SLC25A1: variants seen among roughly 807,000 people sequenced by gnomAD.
The protein encoded by SLC25A1 is solute carrier family 25 member 1.
Under a neutral mutation model 38.1 loss-of-function variants are expected in SLC25A1, and 26 were observed. The ratio of observed to expected loss-of-function variants is 0.68; its 90% CI spans 0.50 to 0.95. The LOEUF (loss-of-function observed/expected upper bound fraction) is 0.95, where lower values mean the gene tolerates loss of function less well. Ranked by LOEUF, SLC25A1 falls within the 40% of genes least tolerant of loss-of-function variation. The pLI is 0.00. For synonymous variants in SLC25A1, 211 were observed against 183.2 expected (o/e 1.15, Z -1.23); for missense variants, 378 against 426.6 (o/e 0.89, Z 1.00).
chr22:19,178,153 G>A lies in SLC25A1; in HGVS notation c.182C>T (p.Pro61Leu). The A allele has an allele frequency of 6.5e-7, 1 of 1,546,698 alleles. No individual in the cohort carries two copies. The highest frequency in any genetic ancestry group is 8.7e-7 in the Non-Finnish European group (1 of 1,146,004). ...TQLQLDERSH[P>L]PRYRGIGDCV... The stretch of plus-strand genomic sequence containing the variant: ...CTCACCGATGCCCCGGTACCGCGGC[G>A]GGTGCGAGCGCTCGTCCAGCTGCAG... The change falls in exon 2 of 9, where the codon CCG (proline) becomes CTG (leucine). Residue 61 changes from proline to leucine, a missense_variant. Coordinates refer to ENST00000215882, the MANE Select transcript of SLC25A1 (RefSeq NM_005984.5). This position sits in a 1 kb window ranked among gnomAD's most constrained non-coding sequence, Gnocchi z 4.9.
chr22:19,176,006 C>A lies in SLC25A1; in HGVS notation c.*124G>T. ...GATTTGACAGCCACAATGCACAGAC[C>A]AGGCTACAGAGCTCGAGGGACGTGG... On this transcript the variant is annotated 3_prime_UTR_variant, in exon 9 of 9. Transcript: ENST00000215882. 1.5e-6 allele frequency: 1 copy of A among 686,890 alleles called. No individual in the cohort carries two copies. 42.5% of individuals were successfully genotyped at this position (686,890 alleles called of 1,614,324 possible).
Position 19,178,083 on chromosome 22 carries a change from G to A in SLC25A1, c.203-42C>T. The A allele has an allele frequency of 1.9e-6, 3 of 1,539,204 alleles. No individual in the cohort carries two copies. The highest frequency in any genetic ancestry group is 1.7e-6 in the Non-Finnish European group (2 of 1,144,080). On this transcript the variant is annotated intron_variant, in intron 2 of 8. Coordinates refer to ENST00000215882, the MANE Select transcript of SLC25A1 (RefSeq NM_005984.5). The surrounding 1 kb of genome is among the most constrained non-coding windows in gnomAD (Gnocchi z 4.9). The stretch of plus-strand genomic sequence containing the variant: ...TCAGGACCCCACGGCCCTCGGTGCC[G>A]CCGCCCTGGGTACCCGCCCCCCGCG...
At chr22:19,177,330 C>T (rs1440307197) in intron 4 of SLC25A1, 126 bp from the exon 5 acceptor site, 4 of 763,342 alleles carry the variant, frequency 5.2e-6, no homozygotes, top group South Asian at 1.7e-5. Flanking sequence ...GCAGTGCAGC[C>T]AAGGCCGCCC....
chr22:19,175,834 A>AC lies in SLC25A1; in HGVS notation c.*295dup, dbSNP rs2083949864. On this transcript the variant is annotated 3_prime_UTR_variant, in exon 9 of 9. Transcript: ENST00000215882. ...GGCCGAGGACCCAGGCCACACGGGC[A>AC]CCCCGGGAGGCGGGGCACAGGGTCA... is the stretch of plus-strand genomic sequence containing the variant. 9.4e-6 allele frequency: 4 copies of AC among 426,830 alleles called. No individual in the cohort carries two copies. Among genetic ancestry groups the AC allele is most frequent in the Non-Finnish European group, 1.8e-5 (4 of 226,640 alleles). The allele number at this position is 426,830 out of a possible 1,614,324, so 26.4% of individuals were successfully genotyped here.
intron 5 of SLC25A1, 31 bp downstream of exon 5, chr22:19,177,087 CCT>C (rs1555922595): frequency 1.3e-5 from 21 of 1,609,022 alleles, no homozygotes; most frequent in Non-Finnish European, 1.7e-5. Context: ...GGCCCAGGTC[CCT>C]GAGCCCTATC....
rs782461328 is a variant in SLC25A1 at position 19,176,090 on chromosome 22, T to A, written c.*40A>T. On this transcript the variant is annotated 3_prime_UTR_variant, in exon 9 of 9. Coordinates refer to ENST00000215882, the MANE Select transcript of SLC25A1 (RefSeq NM_005984.5). ...GTGAGACAAAGGTAGCAGGACACTCTGGCGGTGCCTGGGGCGGTCCCCTTG... is the reference window on the plus strand; with the variant it reads ...GTGAGACAAAGGTAGCAGGACACTCAGGCGGTGCCTGGGGCGGTCCCCTTG... 6.6e-7 allele frequency: 1 copy of A among 1,523,780 alleles called. No individual in the cohort carries two copies. The highest frequency in any genetic ancestry group is 9.1e-7 in the Non-Finnish European group (1 of 1,099,012). 94.4% of individuals were successfully genotyped at this position (1,523,780 alleles called of 1,614,324 possible).
In SLC25A1 at chr22:19,176,593, A is replaced by AT. The variant is rs1434807502; in HGVS notation, c.731_732insA (p.Lys245Ter). The AT allele has an allele frequency of 6.2e-7, 1 of 1,613,496 alleles. No homozygotes were observed. The highest frequency in any genetic ancestry group is 8.5e-7 in the Non-Finnish European group (1 of 1,179,764). On this transcript the variant is annotated frameshift_variant, in exon 7 of 9. Coordinates refer to ENST00000215882, the MANE Select transcript of SLC25A1 (RefSeq NM_005984.5). LOFTEE classifies it high-confidence loss of function. The stretch of plus-strand genomic sequence containing the variant: ...GCCCCACCACCTGCATCCGGGTCTT[A>AT]ATCACATCCAGAGGAGTGTTTCCAA...
chr22:19,177,487 C>G (rs1849626150), intron 4 of SLC25A1, among the ~76,000 whole-genome samples: 1 of 152,224 alleles, frequency 6.6e-6, no homozygotes, highest in African/African-American at 2.4e-5. Flanking sequence ...ATTTTGTTTT[C>G]TGCTTTATAA....
In SLC25A1 at chr22:19,178,730, C is replaced by A. The variant is rs1184007650; in HGVS notation, c.-57G>T. On this transcript the variant is annotated 5_prime_UTR_variant, in exon 1 of 9. Transcript: ENST00000215882. The surrounding 1 kb of genome is among the most constrained non-coding windows in gnomAD (Gnocchi z 4.9). ...CTTCGGGTCCGAGACTCCAGAACTC[C>A]GCGCTCGGTCCGCGGTGGCGGCGGC... is the stretch of plus-strand genomic sequence containing the variant. The A allele has an allele frequency of 9.5e-4, 808 of 851,986 alleles. No individual in the cohort carries two copies. Among genetic ancestry groups the A allele is most frequent in the Non-Finnish European group, 1.1e-3 (764 of 688,204 alleles). 52.8% of individuals were successfully genotyped at this position (851,986 alleles called of 1,614,324 possible).
chr22:19,177,354 C>A, intron 4 of SLC25A1, 150 bp from the exon 5 acceptor site: 2 of 645,246 alleles, frequency 3.1e-6, no homozygotes, highest in South Asian at 4.1e-5. Context: ...GCTGCCCACA[C>A]GGACCATGCC....
At chr22:19,177,699 C>T (rs1555922885) in intron 4 of SLC25A1, 28 bp downstream of exon 4, 1 of 1,603,272 alleles carries the variant, frequency 6.2e-7, no homozygotes, top group South Asian at 1.1e-5. Flanking sequence ...CCCTGCGTGT[C>T]CGGGGTCCTC....
rs782189170 is a variant in SLC25A1, at chr22:19,176,868, G to A, written c.609C>T (p.Thr203=). The change falls in exon 6 of 9, where the codon ACC becomes ACT. Residue 203 remains threonine (T), a synonymous_variant. Transcript: ENST00000215882. ...SNQAIRFFVM[T]SLRNWYRGDN... The stretch of plus-strand genomic sequence containing the variant: ...CACCTCGGTACCAGTTGCGCAGGGA[G>A]GTCATGACGAAGAAGCGGATGGCCT... 3.7e-6 allele frequency: 6 copies of A among 1,613,896 alleles called. No individual in the cohort carries two copies. Among genetic ancestry groups the A allele is most frequent in the African/African-American group, 2.7e-5 (2 of 75,050 alleles).
chr22:19,176,277 A>G, intron 8 of SLC25A1, 33 bp from the exon 9 acceptor site: 1 of 1,579,564 alleles, frequency 6.3e-7, no homozygotes, highest in African/African-American at 1.3e-5. Context: ...AGAGGAAGGC[A>G]GGTCAGCACA....
chr22:19,177,867 TGGAGGCG>T lies in SLC25A1; in HGVS notation c.303-9_303-3del. ...CTGAGGAACTCGAACATTCCAAACC[TGGAGGCG>T]GGAGGCGGGTGAGAGGGGCTGCCGC... On this transcript the variant is annotated splice_polypyrimidine_tract_variant and splice_region_variant and intron_variant, in intron 3 of 8. Transcript: ENST00000215882. 1 of 1,602,206 alleles carries T rather than the reference TGGAGGCG, an allele frequency of 6.2e-7. No individual in the cohort carries two copies. The highest frequency in any genetic ancestry group is 1.1e-5 in the South Asian group (1 of 89,980).
At chr22:19,177,233 C>T in intron 4 of SLC25A1, 29 bp from the exon 5 acceptor site, 2 of 1,598,726 alleles carry the variant, frequency 1.3e-6, no homozygotes, top group Non-Finnish European at 1.7e-6. Context: ...GGCGCAGGTT[C>T]TCGGCTGCCA....
chr22:19,177,363 C>T (rs1037066371), intron 4 of SLC25A1, among the ~76,000 whole-genome samples, 159 bp from the exon 5 acceptor site: 1 of 149,322 alleles, frequency 6.7e-6, no homozygotes, highest in Non-Finnish European at 1.5e-5. Context: ...ACGGACCATG[C>T]CCCGGGACAC....
Position 19,176,870 on chromosome 22 carries a change from T to A in SLC25A1, c.607A>T (p.Thr203Ser). The change falls in exon 6 of 9, where the codon ACC becomes TCC. Residue 203 changes from threonine to serine, a missense_variant. Coordinates refer to ENST00000215882, the MANE Select transcript of SLC25A1 (RefSeq NM_005984.5). ...SNQAIRFFVM[T>S]SLRNWYRGDN... ...CCTCGGTACCAGTTGCGCAGGGAGG[T>A]CATGACGAAGAAGCGGATGGCCTGG... 1 of 1,612,716 alleles carries A rather than the reference T, an allele frequency of 6.2e-7. No homozygotes were observed. The highest frequency in any genetic ancestry group is 8.5e-7 in the Non-Finnish European group (1 of 1,179,754).
rs1211747204 is a variant in SLC25A1 at position 19,178,231 on chromosome 22, G to A, written c.104C>T (p.Ala35Val). ...GGTGATGCAGATCTCGATGCCACCC[G>A]CCAGGCCGCCTGCAGGGACCGGGAA... Reference protein sequence around the residue: ...PGKAILAGGLAGGIEICITFP... With the variant: ...PGKAILAGGLVGGIEICITFP... The change falls in exon 2 of 9, where the codon GCG becomes GTG. Residue 35 changes from alanine (A) to valine (V), a missense_variant. By Grantham distance (64) the Ala-to-Val change is moderately conservative (BLOSUM62 0). Transcript: ENST00000215882. The surrounding 1 kb of genome is among the most constrained non-coding windows in gnomAD (Gnocchi z 4.9). 6.5e-7 allele frequency: 1 copy of A among 1,547,072 alleles called. No homozygotes were observed. The highest frequency in any genetic ancestry group is 8.7e-7 in the Non-Finnish European group (1 of 1,146,080).
chr22:19,176,952 TGC>T lies in SLC25A1; in HGVS notation c.527-4_527-3del. ...GGCCCTGGTACGTCCCCTTCAGCCC[TGC>T]GGGAAGGCAGGCACGGGGTTACCCT... On this transcript the variant is annotated splice_polypyrimidine_tract_variant and splice_region_variant and intron_variant, in intron 5 of 8. Transcript: ENST00000215882. 1 of 1,613,414 alleles carries T rather than the reference TGC, an allele frequency of 6.2e-7. No individual in the cohort carries two copies.
Sources: allele counts gnomAD v4.1 joint callset (sites outside exome capture counted in the v4.1 genomes callset), GRCh38; gene constraint gnomAD v4.1.1; non-coding constraint Gnocchi (gnomAD v3.1); transcripts MANE v1.5; gene names NCBI Gene and HGNC (gene_info 2026-07-23, HGNC 2026-07-21).